PITPNB: variants seen among roughly 807,000 people sequenced by gnomAD.
PITPNB encodes the protein phosphatidylinositol transfer protein beta.
PITPNB carries 16 observed loss-of-function variants against 45.9 expected under a neutral mutation model. The observed-to-expected ratio is 0.35, with a 90% confidence interval of 0.24 to 0.53. PITPNB has a LOEUF of 0.53. Among genes scored for constraint, PITPNB ranks in the 20% least tolerant of loss-of-function variants. The pLI is 0.93. For missense variants in PITPNB, 188 were observed against 330.5 expected (o/e 0.57, Z 3.34); for synonymous variants, 112 against 108.9 (o/e 1.03, Z -0.18).
chr22:27,857,750 G>A (rs1468896926), intron 10 of PITPNB, among the ~76,000 whole-genome samples: 2 of 152,166 alleles, frequency 1.3e-5, no homozygotes, highest in South Asian at 4.1e-4. Context: ...AATCCATCCC[G>A]AGGAGAGAGA....
chr22:27,857,363 CAGA>C (rs1934202577), intron 10 of PITPNB, among the ~76,000 whole-genome samples: 1 of 152,264 alleles, frequency 6.6e-6, no homozygotes, highest in Non-Finnish European at 1.5e-5. Flanking sequence ...CTAGTCCTCT[CAGA>C]AGGTTTATAT....
intron 7 of PITPNB, among the ~76,000 whole-genome samples, chr22:27,893,891 T>A (rs1458235619): frequency 3.3e-5 from 5 of 152,194 alleles, no homozygotes; most frequent in Non-Finnish European, 7.3e-5. Context: ...GTGTCCAGCC[T>A]AAGATTATTC....
At chr22:27,898,527 A>T (rs982754633) in intron 3 of PITPNB, among the ~76,000 whole-genome samples, 1 of 152,136 alleles carries the variant, frequency 6.6e-6, no homozygotes, top group Non-Finnish European at 1.5e-5. Context: ...CTGCACATTA[A>T]TACAATGTAG....
chr22:27,896,933 AGGGAGATTTT>A (rs1217310824), intron 5 of PITPNB, 187 bp downstream of exon 5: 2 of 627,720 alleles, frequency 3.2e-6, no homozygotes, highest in Non-Finnish European at 5.8e-6. Flanking sequence ...TAAAATCAAT[AGGGAGATTTT>A]GAGACAAGGG....
rs1461795745 is a variant in PITPNB at position 27,860,396 on chromosome 22, C to T, written c.535-155G>A. ...ATTTGAAAATTTGAAATCATTTTAG[C>T]AAAAGCCGCAGTATTCCCCTGCTGT... is the stretch of plus-strand genomic sequence containing the variant. On this transcript the variant is annotated intron_variant, in intron 8 of 11. Transcript: ENST00000335272. The T allele has an allele frequency of 5.5e-6, 3 of 547,964 alleles. No individual in the cohort carries two copies. The East Asian group carries it at 8.9e-5, about 16-fold the overall frequency. The allele number at this position is 547,964 out of a possible 1,614,324, so 33.9% of individuals were successfully genotyped here.
chr22:27,863,381 T>G (rs1036919118), intron 8 of PITPNB, among the ~76,000 whole-genome samples: 1 of 152,176 alleles, frequency 6.6e-6, no homozygotes, highest in Non-Finnish European at 1.5e-5. Flanking sequence ...TGGTAAACAT[T>G]ACATATCCTT....
chr22:27,874,809 C>A (rs751730674), intron 7 of PITPNB, among the ~76,000 whole-genome samples: 3 of 152,224 alleles, frequency 2.0e-5, no homozygotes, highest in Admixed American at 1.3e-4. Flanking sequence ...CTTGAGCAGA[C>A]TTTCTGACTC....
At chr22:27,877,486 AT>A (rs1219389041) in intron 7 of PITPNB, among the ~76,000 whole-genome samples, 1 of 152,258 alleles carries the variant, frequency 6.6e-6, no homozygotes, top group African/African-American at 2.4e-5. Context: ...GAGCCACAGA[AT>A]ACACTCATTA....
intron 8 of PITPNB, among the ~76,000 whole-genome samples, chr22:27,864,669 G>A (rs1469307993): frequency 2.0e-5 from 3 of 152,138 alleles, no homozygotes; most frequent in Non-Finnish European, 2.9e-5. Context: ...GCGGTACAGT[G>A]GTTCACACCT....
intron 8 of PITPNB, among the ~76,000 whole-genome samples, chr22:27,872,051 G>C (rs959270218): frequency 1.4e-5 from 2 of 144,884 alleles, no homozygotes; most frequent in Non-Finnish European, 3.0e-5. Context: ...TTCCTATACA[G>C]TGTGCAGAAC....
At chr22:27,906,794 T>C (rs1379725723) in intron 3 of PITPNB, among the ~76,000 whole-genome samples, 2 of 152,232 alleles carry the variant, frequency 1.3e-5, no homozygotes, top group African/African-American at 4.8e-5. Context: ...TCCCATGAGA[T>C]GATGTATCAC....
intron 7 of PITPNB, among the ~76,000 whole-genome samples, chr22:27,890,164 T>C (rs1211195528): frequency 1.3e-5 from 2 of 152,042 alleles, no homozygotes; most frequent in Non-Finnish European, 2.9e-5. Flanking sequence ...ACCTCCTCCC[T>C]GAAATGGGGG....
Position 27,853,584 on chromosome 22 carries a change from A to G in PITPNB, c.*118T>C. 3 of 1,540,014 alleles carry G rather than the reference A, an allele frequency of 1.9e-6. No homozygotes were observed. Among genetic ancestry groups the G allele is most frequent in the Middle Eastern group, 1.7e-4 (1 of 5,972 alleles). On this transcript the variant is annotated 3_prime_UTR_variant, in exon 12 of 12. Coordinates refer to ENST00000335272, the MANE Select transcript of PITPNB (RefSeq NM_012399.5). Reference sequence around the variant, plus strand: ...ACAAGCACACATCTGGGAAACGTCAACACTGCAAGATACTGGTCAGATTCT... The same window carrying G: ...ACAAGCACACATCTGGGAAACGTCAGCACTGCAAGATACTGGTCAGATTCT...
intron 8 of PITPNB, among the ~76,000 whole-genome samples, chr22:27,871,203 A>G (rs960026491): frequency 6.6e-6 from 1 of 152,232 alleles, no homozygotes; most frequent in Non-Finnish European, 1.5e-5. Flanking sequence ...CATGGTATAT[A>G]TTCCAAGTTC....
chr22:27,869,981 T>G, intron 8 of PITPNB, among the ~76,000 whole-genome samples: 1 of 152,144 alleles, frequency 6.6e-6, no homozygotes, highest in Non-Finnish European at 1.5e-5. Flanking sequence ...ATTATCAAAT[T>G]CTGGCAAATA....
chr22:27,859,393 A>C (rs1007781430), intron 9 of PITPNB, among the ~76,000 whole-genome samples: 2 of 152,230 alleles, frequency 1.3e-5, no homozygotes, highest in African/African-American at 4.8e-5. Context: ...TGAAACAGAC[A>C]TAACTAATTG....
chr22:27,896,592 A>G lies in PITPNB; in HGVS notation c.332T>C (p.Ile111Thr), dbSNP rs770424190. The change falls in exon 6 of 12, where the codon ATC becomes ACC. Residue 111 changes from isoleucine to threonine, a missense_variant. Transcript: ENST00000335272. Reference protein sequence around the residue: ...EYMKDDFFIKIETWHKPDLGT... With the variant: ...EYMKDDFFIKTETWHKPDLGT... ...CAAGTCTGGTTTGTGCCATGTTTCGATTTTAATGAAGAAATCATCTTTCAT... is the reference window on the plus strand; with the variant it reads ...CAAGTCTGGTTTGTGCCATGTTTCGGTTTTAATGAAGAAATCATCTTTCAT... 1 of 1,611,130 alleles carries G rather than the reference A, an allele frequency of 6.2e-7. No individual in the cohort carries two copies. Among genetic ancestry groups the G allele is most frequent in the Non-Finnish European group, 8.5e-7 (1 of 1,177,240 alleles).
chr22:27,887,296 C>T (rs921890153), intron 7 of PITPNB, among the ~76,000 whole-genome samples: 4 of 152,166 alleles, frequency 2.6e-5, no homozygotes, highest in African/African-American at 9.7e-5. Context: ...TTGAGAAAAA[C>T]GCAGGTTCTA....
chr22:27,907,076 T>C (rs1472043569), intron 3 of PITPNB, among the ~76,000 whole-genome samples: 2 of 152,228 alleles, frequency 1.3e-5, no homozygotes, highest in Admixed American at 6.5e-5. Context: ...TGTAGTTTTA[T>C]TGATGTTATA....
Sources: allele counts gnomAD v4.1 joint callset (sites outside exome capture counted in the v4.1 genomes callset), GRCh38; gene constraint gnomAD v4.1.1; transcripts MANE v1.5; gene names NCBI Gene and HGNC (gene_info 2026-07-23, HGNC 2026-07-21).